The following CATIP variants were observed in gnomAD, a reference collection of about 807,000 sequenced individuals.
The protein encoded by CATIP is ciliogenesis associated TTC17 interacting protein.
CATIP carries 40 observed loss-of-function variants against 42.5 expected under a neutral mutation model. The ratio of observed to expected loss-of-function variants is 0.94; its 90% CI spans 0.73 to 1.22. The LOEUF is 1.22. Ranked by LOEUF, CATIP falls within the 50% of genes most tolerant of loss-of-function variation. The pLI is 0.00. For synonymous variants in CATIP, 222 were observed against 200.2 expected, an observed-to-expected ratio of 1.11 and a Z score of -0.92; for missense variants, 489 against 496.0, an observed-to-expected ratio of 0.99 and a Z score of 0.13.
intron 4 of CATIP, among the ~76,000 whole-genome samples, chr2:218,358,714 T>G (rs1383569731): frequency 6.6e-6 from 1 of 151,666 alleles, no homozygotes; most frequent in Non-Finnish European, 1.5e-5. Flanking sequence ...GTTTATAAAT[T>G]TTGTACAAAA....
chr2:218,358,289 C>T (rs1695109240), intron 4 of CATIP, among the ~76,000 whole-genome samples, 197 bp downstream of exon 4: 1 of 152,310 alleles, frequency 6.6e-6, no homozygotes, highest in South Asian at 2.1e-4. Flanking sequence ...CGGGGGTGGG[C>T]TGGGCACAGT....
At chr2:218,357,356 C>G in intron 2 of CATIP, 169 bp downstream of exon 2, 1 of 702,796 alleles carries the variant, frequency 1.4e-6, no homozygotes, top group African/African-American at 1.8e-5. Flanking sequence ...CAAGGGAAGG[C>G]CCCCCGGGGA....
At chr2:218,359,357 A>AAG (rs1695155250) in intron 4 of CATIP, among the ~76,000 whole-genome samples, 1 of 151,724 alleles carries the variant, frequency 6.6e-6, no homozygotes, top group South Asian at 2.1e-4. Flanking sequence ...AAAAAAAAAA[A>AAG]AAAAAAATGT....
chr2:218,367,244 G>T, intron 8 of CATIP, 144 bp downstream of exon 8: 1 of 771,778 alleles, frequency 1.3e-6, no homozygotes, highest in Non-Finnish European at 2.1e-6. Flanking sequence ...CTGCCCTCCA[G>T]CCCCTGACCC....
Position 218,359,341 on chromosome 2 carries a change from C to CAAAAAA in CATIP, c.376-1214_376-1209dup, listed in dbSNP as rs140677940. Among the ~76,000 whole-genome samples, 65 of 79,702 alleles carry CAAAAAA rather than the reference C, an allele frequency of 8.2e-4. 3 individuals carry two copies. The highest frequency in any genetic ancestry group is 5.5e-3 in the South Asian group (11 of 2,004). The allele number at this position is 79,702 out of a possible 152,430, so 52.3% of individuals were successfully genotyped here. A position where few individuals can be genotyped will look rare whatever the true frequency, so the allele number is the denominator to read the frequency against. ...TGGGCAACAGAGCGAGACTCTGTCT[C>CAAAAAA]AAAAAAAAAAAAAAAAAAAAAAATG... On this transcript the variant is annotated intron_variant, in intron 4 of 9. Transcript: ENST00000289388.
chr2:218,360,126 C>G (rs1363032401), intron 4 of CATIP, among the ~76,000 whole-genome samples: 1 of 148,978 alleles, frequency 6.7e-6, no homozygotes, highest in Non-Finnish European at 1.5e-5. Flanking sequence ...ACACCTGGCC[C>G]TGCTGCTTGG....
In CATIP at chr2:218,357,080, C is replaced by G. The variant is rs773592222; in HGVS notation, c.26-15C>G. 1.9e-6 allele frequency: 3 copies of G among 1,607,818 alleles called. No homozygotes were observed. In the African/African-American group the frequency reaches 4.0e-5, roughly 21 times the overall value. On this transcript the variant is annotated splice_polypyrimidine_tract_variant and intron_variant, in intron 1 of 9. Coordinates refer to ENST00000289388, the MANE Select transcript of CATIP (RefSeq NM_198559.2). The stretch of plus-strand genomic sequence containing the variant: ...TCCCCAGGGTCTGCCATCTTAGCCT[C>G]TCATCCCTCTGTAGGCTCCAGAGCT...
chr2:218,362,633 C>CA (rs903112096), intron 5 of CATIP, 102 bp from the exon 6 acceptor site: 4,721 of 1,141,222 alleles, frequency 4.1e-3, no homozygotes, highest in Non-Finnish European at 4.6e-3. Context: ...AACTCTGTCT[C>CA]AAAAAAAAAC....
chr2:218,362,650 G>T, intron 5 of CATIP, 85 bp from the exon 6 acceptor site: 1 of 1,340,538 alleles, frequency 7.5e-7, no homozygotes, highest in Non-Finnish European at 1.0e-6. Flanking sequence ...AAACAAAACC[G>T]TATGCCCAAC....
In CATIP at chr2:218,368,006, G is replaced by C. The variant is rs770991261; in HGVS notation, c.*42G>C. On this transcript the variant is annotated 3_prime_UTR_variant, in exon 10 of 10. Transcript: ENST00000289388. ...GACAGGGCAGGAAACCAGGGGTCGG[G>C]CTGGGACGCGGGCGGGACGCGCCGG... The C allele has an allele frequency of 2.0e-6, 3 of 1,470,464 alleles. No individual in the cohort carries two copies. The African/African-American group carries it at 4.4e-5, about 21-fold the overall frequency. The allele number at this position is 1,470,464 out of a possible 1,614,324, so 91.1% of individuals were successfully genotyped here.
chr2:218,367,604 A>AC (rs1695501839), intron 9 of CATIP, 86 bp downstream of exon 9: 1 of 1,603,294 alleles, frequency 6.2e-7, no homozygotes, highest in African/African-American at 1.3e-5. Context: ...ATTGAAATGC[A>AC]CACCCGTAGG....
chr2:218,363,491 A>C (rs12694434), intron 6 of CATIP, among the ~76,000 whole-genome samples: 70,356 of 146,928 alleles, frequency 0.48, 17,752 homozygotes, highest in East Asian at 0.68. Flanking sequence ...GTCTCAAAAA[A>C]AAAAAACAAA....
chr2:218,357,439 G>A (rs1437389309), intron 2 of CATIP, 95 bp from the exon 3 acceptor site: 4 of 1,028,768 alleles, frequency 3.9e-6, no homozygotes, highest in East Asian at 2.5e-5. Context: ...GAGGCAGGTG[G>A]GGACTGTGGG....
Position 218,367,952 on chromosome 2 carries a change from G to A in CATIP, c.1152G>A (p.Ser384=), listed in dbSNP as rs773299344. ...TGGAGCCGGAGGGAGACGCCCGCTC[G>A]GGGGCGGCCTAAGCGGGGCCCAGGC... ...RSLEPEGDAR[S]GAA The change falls in exon 10 of 10, where the codon TCG becomes TCA. Residue 384 remains serine, a synonymous_variant. Coordinates refer to ENST00000289388, the MANE Select transcript of CATIP (RefSeq NM_198559.2). The A allele has an allele frequency of 6.3e-7, 1 of 1,587,164 alleles. No individual in the cohort carries two copies. The highest frequency in any genetic ancestry group is 1.3e-5 in the African/African-American group (1 of 74,368).
chr2:218,367,853 C>T lies in CATIP; in HGVS notation c.1053C>T (p.Phe351=), dbSNP rs150790572. ...EDVVTFAAEF[F]GPFDPWRPSS... The stretch of plus-strand genomic sequence containing the variant: ...TGGTCACCTTCGCCGCCGAGTTCTT[C>T]GGCCCCTTCGACCCGTGGCGTCCGT... Residue 351 remains phenylalanine, a synonymous_variant, in exon 10 of 10, where the codon TTC becomes TTT. Transcript: ENST00000289388. 7.6e-5 allele frequency: 122 copies of T among 1,613,000 alleles called. No individual in the cohort carries two copies. Among genetic ancestry groups the T allele is most frequent in the Non-Finnish European group, 9.4e-5 (111 of 1,179,894 alleles).
intron 7 of CATIP, chr2:218,365,868 T>G (rs999810139): frequency 2.0e-5 from 3 of 152,186 alleles, no homozygotes; most frequent in Non-Finnish European, 4.4e-5. Context: ...TAGACTGGAA[T>G]GTGTGGCATA....
intron 6 of CATIP, among the ~76,000 whole-genome samples, chr2:218,363,172 G>A (rs1304627459): frequency 6.6e-6 from 1 of 151,970 alleles, no homozygotes; most frequent in East Asian, 1.9e-4. Context: ...TATAGTGCAG[G>A]GCTGATTTAA....
intron 9 of CATIP, 43 bp from the exon 10 acceptor site, chr2:218,367,679 G>A (rs756136276): frequency 3.2e-6 from 5 of 1,575,966 alleles, no homozygotes; most frequent in Non-Finnish European, 4.3e-6. Context: ...CCTGGGGCGC[G>A]GGGGTCCCGT....
At chr2:218,367,558 C>A (rs766652597) in intron 9 of CATIP, 40 bp downstream of exon 9, 5 of 1,607,370 alleles carry the variant, frequency 3.1e-6, no homozygotes, top group Non-Finnish European at 4.3e-6. Flanking sequence ...CCCATTCCCC[C>A]ATGGGCCTTA....
Sources: gnomAD v4.1 joint callset for allele counts (sites outside exome capture counted in the v4.1 genomes callset) on GRCh38, gnomAD v4.1.1 for gene constraint, MANE v1.5 for transcripts, NCBI Gene and HGNC (gene_info 2026-07-23, HGNC 2026-07-21) for gene names.